Variants in CCDC198 observed in about 807,000 individuals in gnomAD.
The protein encoded by CCDC198 is coiled-coil domain containing 198.
Under a neutral mutation model 35.6 loss-of-function variants are expected in CCDC198, and 18 were observed. The ratio of observed to expected loss-of-function variants is 0.51; its 90% CI spans 0.35 to 0.75. The LOEUF (loss-of-function observed/expected upper bound fraction) is 0.75. Ranked by LOEUF, CCDC198 falls within the 30% of genes least tolerant of loss-of-function variation. CCDC198 has a pLI of 0.01. For synonymous variants in CCDC198, 119 were observed against 113.4 expected (o/e 1.05, Z -0.31); for missense variants, 365 against 343.7 (o/e 1.06, Z -0.49).
At position 57,471,608 on chromosome 14, in the gene CCDC198, T is replaced by G. The variant is rs199713356; in HGVS notation, c.656-18A>C. 7.1e-7 allele frequency: 1 copy of G among 1,399,554 alleles called. No individual in the cohort carries two copies. Among genetic ancestry groups the G allele is most frequent in the African/African-American group, 1.4e-5 (1 of 70,038 alleles). 86.7% of individuals were successfully genotyped at this position (1,399,554 alleles called of 1,614,324 possible). On this transcript the variant is annotated intron_variant, in intron 5 of 5. Coordinates refer to ENST00000216445, the MANE Select transcript of CCDC198 (RefSeq NM_018168.4). ...TGAATTTCCTACAAAAAAATTAAGTTTCTTTAATTTTTTCCCTTAGCAATG... is the reference window on the plus strand; with the variant it reads ...TGAATTTCCTACAAAAAAATTAAGTGTCTTTAATTTTTTCCCTTAGCAATG...
chr14:57,493,231 G>A (rs1210503981), intron 1 of CCDC198, among the ~76,000 whole-genome samples: 4 of 152,098 alleles, frequency 2.6e-5, no homozygotes, highest in Non-Finnish European at 5.9e-5. Flanking sequence ...TACAAACTGA[G>A]CTGAAACAAA....
chr14:57,484,308 A>T lies in CCDC198; in HGVS notation c.307-1157T>A, dbSNP rs1037406334. 4.6e-5 allele frequency among the ~76,000 whole-genome samples: 7 copies of T among 152,302 alleles called. No individual in the cohort carries two copies. The East Asian group carries it at 1.2e-3, about 25-fold the overall frequency. ...TTAAAAAGGGGAAATCTGGACACAG[A>T]CACACACACAGGCAGGACACGATGT... On this transcript the variant is annotated intron_variant, in intron 2 of 5. Coordinates refer to ENST00000216445, the MANE Select transcript of CCDC198 (RefSeq NM_018168.4).
At chr14:57,492,606 C>G (rs946476643) in intron 1 of CCDC198, among the ~76,000 whole-genome samples, 2 of 151,906 alleles carry the variant, frequency 1.3e-5, no homozygotes, top group African/African-American at 4.8e-5. Flanking sequence ...CATATAGAAA[C>G]AACCAAACGT....
rs1246596768 is a variant in CCDC198 at position 57,470,070 on chromosome 14, G to C, written c.*1285C>G. 1 of 152,124 alleles carries C rather than the reference G, an allele frequency of 6.6e-6. No individual in the cohort carries two copies. The highest frequency in any genetic ancestry group is 1.9e-4 in the East Asian group (1 of 5,190). The allele number at this position is 152,124 out of a possible 1,614,324, so 9.4% of individuals were successfully genotyped here. On this transcript the variant is annotated 3_prime_UTR_variant, in exon 6 of 6. Coordinates refer to ENST00000216445, the MANE Select transcript of CCDC198 (RefSeq NM_018168.4). ...TTCCAAGTGGAATAACTTTAGAATT[G>C]AACATTTATAAGATTCGCTTTATGT...
At chr14:57,484,664 G>C (rs141723642) in intron 2 of CCDC198, among the ~76,000 whole-genome samples, 36 of 152,334 alleles carry the variant, frequency 2.4e-4, no homozygotes, top group African/African-American at 7.9e-4. Context: ...AAAGAAATTG[G>C]TTGGCTGCAG....
intron 5 of CCDC198, among the ~76,000 whole-genome samples, chr14:57,480,072 G>A (rs1199155540): frequency 1.3e-5 from 2 of 152,158 alleles, no homozygotes; most frequent in Non-Finnish European, 2.9e-5. Flanking sequence ...TGACATTGGA[G>A]GCCTGGTTCA....
At chr14:57,491,959 A>T (rs1322093836) in intron 1 of CCDC198, among the ~76,000 whole-genome samples, 3 of 152,128 alleles carry the variant, frequency 2.0e-5, no homozygotes, top group Non-Finnish European at 4.4e-5. Context: ...AGTGGGATGG[A>T]AACTATGTCC....
At chr14:57,478,791 C>G (rs576317531) in intron 5 of CCDC198, 1 of 1,097,026 alleles carries the variant, frequency 9.1e-7, no homozygotes, top group African/African-American at 1.6e-5. Context: ...TTCAATTATT[C>G]AGCCTTTTCT....
rs774148887 is a variant in CCDC198, at chr14:57,471,443, T to C, written c.803A>G (p.Gln268Arg). The C allele has an allele frequency of 6.2e-7, 1 of 1,614,034 alleles. No homozygotes were observed. Among genetic ancestry groups the C allele is most frequent in the Non-Finnish European group, 8.5e-7 (1 of 1,179,976 alleles). Residue 268 changes from glutamine (Q) to arginine (R), a missense_variant, in exon 6 of 6, where the codon CAG becomes CGG. By Grantham distance (43) the Gln-to-Arg change is conservative (BLOSUM62 1). Transcript: ENST00000216445. ...WDSSSSDSDEQGKDEKKPRAL... is the reference protein window; with the variant it reads ...WDSSSSDSDERGKDEKKPRAL... ...TCGTGGCTTCTTCTCATCTTTCCCC[T>C]GCTCATCTGAGTCAGAGCTGGAACT...
chr14:57,471,210 T>A lies in CCDC198; in HGVS notation c.*145A>T. On this transcript the variant is annotated 3_prime_UTR_variant, in exon 6 of 6. Coordinates refer to ENST00000216445, the MANE Select transcript of CCDC198 (RefSeq NM_018168.4). ...TAGTTAACAGCACATGTGACGGACT[T>A]GTTAATCATAAGACTCTAAAGATAT... The A allele has an allele frequency of 1.6e-6, 1 of 622,928 alleles. No homozygotes were observed. Among genetic ancestry groups the A allele is most frequent in the Non-Finnish European group, 2.8e-6 (1 of 363,062 alleles). The allele number at this position is 622,928 out of a possible 1,614,324, so 38.6% of individuals were successfully genotyped here. A position where few individuals can be genotyped will look rare whatever the true frequency, so the allele number is the denominator to read the frequency against.
intron 2 of CCDC198, among the ~76,000 whole-genome samples, chr14:57,486,838 A>G (rs992010404): frequency 1.3e-5 from 2 of 152,118 alleles, no homozygotes; most frequent in African/African-American, 4.8e-5. Context: ...TAAACACACA[A>G]TTCTAATAAG....
At chr14:57,475,641 A>G in intron 5 of CCDC198, 1 of 407,380 alleles carries the variant, frequency 2.5e-6, no homozygotes, top group Non-Finnish European at 4.8e-6. Context: ...TGGGAGGCGA[A>G]GTTTGCGGTG....
In CCDC198 at chr14:57,483,166, T is replaced by C; in HGVS notation, c.307-15A>G. On this transcript the variant is annotated splice_polypyrimidine_tract_variant and intron_variant, in intron 2 of 5. Transcript: ENST00000216445. ...GGTTCAAGCTTCTAGAAGTTCAACG[T>C]TTAGAGCAGTCAGCATTCCTCATGC... 6.2e-7 allele frequency: 1 copy of C among 1,613,996 alleles called. No individual in the cohort carries two copies. The highest frequency in any genetic ancestry group is 8.5e-7 in the Non-Finnish European group (1 of 1,179,934).
intron 2 of CCDC198, among the ~76,000 whole-genome samples, chr14:57,485,085 A>C (rs958650862): frequency 6.6e-5 from 10 of 152,212 alleles, no homozygotes; most frequent in Non-Finnish European, 1.5e-4. Context: ...TAGTTTGGGT[A>C]GGATGTAGAA....
rs1310220128 is a variant in CCDC198 at position 57,471,371 on chromosome 14, A to T, written c.875T>A (p.Phe292Tyr). 7 of 1,612,652 alleles carry T rather than the reference A, an allele frequency of 4.3e-6. No homozygotes were observed. The highest frequency in any genetic ancestry group is 5.9e-6 in the Non-Finnish European group (7 of 1,179,404). Residue 292 changes from phenylalanine (F) to tyrosine (Y), a missense_variant, in exon 6 of 6, where the codon TTT (phenylalanine) becomes TAT (tyrosine). Phe to Tyr is a conservative substitution (Grantham distance 22). Coordinates refer to ENST00000216445, the MANE Select transcript of CCDC198 (RefSeq NM_018168.4). Reference sequence around the variant, plus strand: ...ATAGTATTCTTATTCTTGATCAAAAAACTCATCGAAAAGTGGGATTCTCTC... The same window carrying T: ...ATAGTATTCTTATTCTTGATCAAAATACTCATCGAAAAGTGGGATTCTCTC... ...RTERIPLFDE[F>Y]FDQE
At chr14:57,471,622 C>T (rs1174175519) in intron 5 of CCDC198, 32 bp from the exon 6 acceptor site, 1 of 1,276,864 alleles carries the variant, frequency 7.8e-7, no homozygotes, top group African/African-American at 1.5e-5. Context: ...TTAATTTTTT[C>T]CCTTAGCAAT....
intron 2 of CCDC198, among the ~76,000 whole-genome samples, chr14:57,487,625 C>T (rs2067408960): frequency 6.6e-6 from 1 of 152,136 alleles, no homozygotes; most frequent in Non-Finnish European, 1.5e-5. Flanking sequence ...CTCTCAGCTC[C>T]AGGCTGGATA....
At chr14:57,471,671 T>A in intron 5 of CCDC198, 81 bp from the exon 6 acceptor site, 1 of 679,966 alleles carries the variant, frequency 1.5e-6, no homozygotes, top group Non-Finnish European at 2.4e-6. Flanking sequence ...TAATAAATAA[T>A]CTGCTTGGTG....
At chr14:57,475,152 T>G (rs995387635) in intron 5 of CCDC198, among the ~76,000 whole-genome samples, 1 of 151,324 alleles carries the variant, frequency 6.6e-6, no homozygotes, top group African/African-American at 2.4e-5. Flanking sequence ...TCCCAGCTAC[T>G]CGGGAGGCTG....
Sources: gnomAD v4.1 joint callset for allele counts (sites outside exome capture counted in the v4.1 genomes callset) on GRCh38, gnomAD v4.1.1 for gene constraint, MANE v1.5 for transcripts, NCBI Gene and HGNC (gene_info 2026-07-23, HGNC 2026-07-21) for gene names.